Variants in PLCE1 observed in about 807,000 individuals in gnomAD.
PLCE1 encodes the protein 1-phosphatidylinositol 4,5-bisphosphate phosphodiesterase epsilon-1.
In PLCE1, 119 loss-of-function variants were observed where a neutral mutation model predicts 242.8. The observed-to-expected ratio is 0.49, with a 90% CI of 0.42 to 0.57. PLCE1 has a LOEUF of 0.57. Among genes scored for constraint, PLCE1 ranks in the 20% least tolerant of loss-of-function variants. The pLI, the probability that PLCE1 is intolerant of heterozygous loss-of-function variation, is 0.00. For missense variants in PLCE1, 2,441 were observed against 2,788.8 expected (o/e 0.88, Z 2.81); for synonymous variants, 945 against 1,017.4 (o/e 0.93, Z 1.35).
At chr10:94,053,885 C>A (rs2043832160) in intron 2 of PLCE1, among the ~76,000 whole-genome samples, 2 of 152,120 alleles carry the variant, frequency 1.3e-5, no homozygotes. Context: ...ATTAGTTTTT[C>A]TTTATTTTTT....
intron 5 of PLCE1, among the ~76,000 whole-genome samples, chr10:94,227,764 C>T (rs538816116): frequency 7.9e-5 from 12 of 152,294 alleles, no homozygotes; most frequent in African/African-American, 2.2e-4. Flanking sequence ...CCCTTCCTGT[C>T]CTGTAAACCC....
intron 2 of PLCE1, among the ~76,000 whole-genome samples, chr10:94,073,094 C>T (rs2044406177): frequency 6.6e-6 from 1 of 152,152 alleles, no homozygotes; most frequent in Admixed American, 6.5e-5. Context: ...CTTCATCCTT[C>T]CATATCCAGT....
At chr10:94,133,594 C>G (rs1423374454) in intron 3 of PLCE1, among the ~76,000 whole-genome samples, 1 of 152,196 alleles carries the variant, frequency 6.6e-6, no homozygotes, top group Non-Finnish European at 1.5e-5. Flanking sequence ...TCAGCCTTCT[C>G]CATTCCTACC....
At chr10:94,002,871 ATTC>A (rs1387894170) in intron 1 of PLCE1, among the ~76,000 whole-genome samples, 3 of 152,258 alleles carry the variant, frequency 2.0e-5, no homozygotes, top group Non-Finnish European at 4.4e-5. Context: ...CTTGCTTAAC[ATTC>A]TATCATGAAG....
intron 4 of PLCE1, among the ~76,000 whole-genome samples, chr10:94,192,090 G>A (rs763887888): frequency 5.3e-5 from 8 of 152,172 alleles, no homozygotes; most frequent in Non-Finnish European, 7.3e-5. Flanking sequence ...AGATGTGAAC[G>A]ATGAGGAATG....
intron 1 of PLCE1, among the ~76,000 whole-genome samples, chr10:94,023,015 G>A (rs575722578): frequency 6.6e-6 from 1 of 152,180 alleles, no homozygotes; most frequent in South Asian, 2.1e-4. Context: ...ATCTGTGAGG[G>A]GGCCCTATAT....
intron 2 of PLCE1, among the ~76,000 whole-genome samples, chr10:94,054,889 G>A (rs527883947): frequency 2.6e-5 from 4 of 151,922 alleles, no homozygotes; most frequent in African/African-American, 9.7e-5. Context: ...GTGGGTGCCT[G>A]TAATCCCAGC....
intron 22 of PLCE1, among the ~76,000 whole-genome samples, chr10:94,292,871 T>G (rs1468256656): frequency 6.6e-6 from 1 of 152,238 alleles, no homozygotes; most frequent in Non-Finnish European, 1.5e-5. Context: ...ATTCATTTCC[T>G]CTTTCAGCAA....
intron 3 of PLCE1, among the ~76,000 whole-genome samples, chr10:94,156,064 A>G (rs992967006): frequency 6.6e-6 from 1 of 152,264 alleles, no homozygotes; most frequent in East Asian, 1.9e-4. Context: ...ATGTTCTGAC[A>G]TCTTGATGGG....
intron 31 of PLCE1, 111 bp from the exon 32 acceptor site, chr10:94,324,781 C>T: frequency 8.6e-7 from 1 of 1,158,068 alleles, no homozygotes; most frequent in Non-Finnish European, 1.3e-6. Flanking sequence ...CTCAGCCCTA[C>T]TCTCTCCAAA....
Position 94,269,946 on chromosome 10 carries a change from T to G in PLCE1, c.4390-540T>G, listed in dbSNP as rs182176038. Among the ~76,000 whole-genome samples, 4 of 152,332 alleles carry G rather than the reference T, an allele frequency of 2.6e-5. No individual in the cohort carries two copies. The East Asian group carries it at 5.8e-4, about 22-fold the overall frequency. On this transcript the variant is annotated intron_variant, in intron 17 of 32. Coordinates refer to ENST00000371380, the MANE Select transcript of PLCE1 (RefSeq NM_016341.4). ...GTGGCCAGGTTGTGAAGGAATATTA[T>G]TTTTATTTTACATGTAGAAATAGTG...
At chr10:94,084,424 G>C (rs1426208761) in intron 2 of PLCE1, among the ~76,000 whole-genome samples, 1 of 152,088 alleles carries the variant, frequency 6.6e-6, no homozygotes, top group Non-Finnish European at 1.5e-5. Flanking sequence ...GTCCTCTTTA[G>C]TCTGCCTCTT....
Position 94,201,325 on chromosome 10 carries a change from T to C in PLCE1, c.1810-25981T>C, listed in dbSNP as rs563594245. 3.3e-5 allele frequency among the ~76,000 whole-genome samples: 5 copies of C among 152,252 alleles called. No homozygotes were observed. In the East Asian group the frequency reaches 9.7e-4, roughly 29 times the overall value. On this transcript the variant is annotated intron_variant, in intron 4 of 32. Coordinates refer to ENST00000371380, the MANE Select transcript of PLCE1 (RefSeq NM_016341.4). ...CCCTACCCTACCACTCACTCAGGAT[T>C]GTTGTAAAGATAGAAATAGAAGTGA...
At chr10:94,023,273 C>G (rs1056689941) in intron 1 of PLCE1, among the ~76,000 whole-genome samples, 1 of 152,166 alleles carries the variant, frequency 6.6e-6, no homozygotes, top group Non-Finnish European at 1.5e-5. Context: ...GACTGCATAA[C>G]TCTTCTTTGG....
intron 2 of PLCE1, among the ~76,000 whole-genome samples, chr10:94,117,951 A>T (rs951817964): frequency 3.9e-5 from 6 of 152,184 alleles, no homozygotes; most frequent in Non-Finnish European, 5.9e-5. Flanking sequence ...TTTCACCAAA[A>T]CACTGTCGCC....
At chr10:94,100,578 T>C (rs191683304) in intron 2 of PLCE1, 1 of 152,250 alleles carries the variant, frequency 6.6e-6, no homozygotes, top group East Asian at 1.9e-4. Context: ...AAATCATTGG[T>C]CTTTGGGATG....
chr10:94,138,933 GACA>G (rs1564724762), intron 3 of PLCE1: 3 of 154,858 alleles, frequency 1.9e-5, no homozygotes, highest in Admixed American at 1.3e-4. Context: ...AGAGGAGAGT[GACA>G]ACAAGGACGA....
At chr10:94,150,601 T>A (rs1017800720) in intron 3 of PLCE1, among the ~76,000 whole-genome samples, 1 of 152,232 alleles carries the variant, frequency 6.6e-6, no homozygotes, top group Non-Finnish European at 1.5e-5. Context: ...TTAGGGAAAT[T>A]GATATTCTGC....
chr10:94,233,265 G>A (rs1357557126), intron 5 of PLCE1, among the ~76,000 whole-genome samples: 1 of 152,192 alleles, frequency 6.6e-6, no homozygotes, highest in African/African-American at 2.4e-5. Flanking sequence ...ATGGGCTGGT[G>A]GCTTCATGTC....
Sources: gnomAD v4.1 joint callset for allele counts (sites outside exome capture counted in the v4.1 genomes callset) on GRCh38, gnomAD v4.1.1 for gene constraint, MANE v1.5 for transcripts, NCBI Gene and HGNC (gene_info 2026-07-23, HGNC 2026-07-21) for gene names.